Variants in NRROS observed in about 807,000 individuals in gnomAD.
NRROS encodes the protein transforming growth factor beta activator LRRC33.
A neutral mutation model predicts 12.0 loss-of-function variants in NRROS; 6 were observed. The observed-to-expected ratio is 0.50, with a 90% CI of 0.27 to 0.98. The LOEUF is 0.98. Among genes scored for constraint, NRROS ranks in the 50% least tolerant of loss-of-function variants. The pLI is 0.11. For synonymous variants in NRROS, 462 were observed against 410.2 expected (o/e 1.13, Z -1.53); for missense variants, 857 against 888.2 (o/e 0.96, Z 0.45).
Position 196,653,810 on chromosome 3 carries a change from T to A in NRROS, c.-13-717T>A, listed in dbSNP as rs532040843. 2.0e-4 allele frequency among the ~76,000 whole-genome samples: 31 copies of A among 152,308 alleles called. No individual in the cohort carries two copies. The South Asian group carries it at 5.8e-3, about 28-fold the overall frequency. On this transcript the variant is annotated intron_variant, in intron 1 of 2. Coordinates refer to ENST00000328557, the MANE Select transcript of NRROS (RefSeq NM_198565.3). ...TTAGTTCTGAATCTCTGCTGGTGCG[T>A]GTATACCTTCAAGCCTTCTCATTAT...
At chr3:196,655,467 G>A (rs1737517787) in intron 2 of NRROS, among the ~76,000 whole-genome samples, 1 of 151,462 alleles carries the variant, frequency 6.6e-6, no homozygotes. Flanking sequence ...CCCGGGAGAC[G>A]GAGGTTGCAG....
At chr3:196,649,979 A>G (rs1937643353) in intron 1 of NRROS, among the ~76,000 whole-genome samples, 1 of 151,982 alleles carries the variant, frequency 6.6e-6, no homozygotes, top group Non-Finnish European at 1.5e-5. Flanking sequence ...AGTAGCAGTC[A>G]GGGGAGGTGG....
At chr3:196,653,859 G>C (rs1037690552) in intron 1 of NRROS, among the ~76,000 whole-genome samples, 20 of 152,198 alleles carry the variant, frequency 1.3e-4, no homozygotes, top group African/African-American at 4.8e-4. Context: ...GCACTGGCCA[G>C]GCAAGCGGGC....
rs1385417529 is a variant in NRROS, at chr3:196,660,165, C to G, written c.522C>G (p.Asp174Glu). 6.2e-7 allele frequency: 1 copy of G among 1,613,092 alleles called. No homozygotes were observed. Among genetic ancestry groups the G allele is most frequent in the South Asian group, 1.1e-5 (1 of 91,078 alleles). ...GGAACACCATCATGCGGCTGGACGA[C>G]TCCGTCTTCGAGGGCCTGGAGCGTC... ...LAGNTIMRLD[D>E]SVFEGLERLR... The change falls in exon 3 of 3, where the codon GAC (aspartate) becomes GAG (glutamate). Residue 174 changes from aspartate to glutamate, a missense_variant. Transcript: ENST00000328557. This position sits in a 1 kb window ranked among gnomAD's most constrained non-coding sequence, Gnocchi z 7.7.
In NRROS at chr3:196,643,207, G is replaced by A. The variant is rs143389998; in HGVS notation, c.-14+3332G>A. 4.9e-3 allele frequency among the ~76,000 whole-genome samples: 740 copies of A among 152,328 alleles called. 5 individuals carry two copies. Among genetic ancestry groups the A allele is most frequent in the African/African-American group, 0.017 (717 of 41,568 alleles). On this transcript the variant is annotated intron_variant, in intron 1 of 2. Transcript: ENST00000328557. ...AATTGAGGGGTTGTTACCAGAAGGAGAAACGAATGTGAGTGAGTAGGCGAA... is the reference window on the plus strand; with the variant it reads ...AATTGAGGGGTTGTTACCAGAAGGAAAAACGAATGTGAGTGAGTAGGCGAA...
At chr3:196,645,357 G>A (rs1438677079) in intron 1 of NRROS, among the ~76,000 whole-genome samples, 1 of 152,166 alleles carries the variant, frequency 6.6e-6, no homozygotes, top group Non-Finnish European at 1.5e-5. Context: ...TATTGAGGTT[G>A]AGCTGATGCA....
At chr3:196,649,918 C>T (rs1233421097) in intron 1 of NRROS, among the ~76,000 whole-genome samples, 1 of 152,118 alleles carries the variant, frequency 6.6e-6, no homozygotes, top group Non-Finnish European at 1.5e-5. Flanking sequence ...TTGCTCAGAG[C>T]CCCTTTAGCG....
In NRROS at chr3:196,660,724, C is replaced by A. The variant is rs779805511; in HGVS notation, c.1081C>A (p.Gln361Lys). ...MPSLSHLNLH[Q>K]NCLMTLHIRE... ...TTCCCTCTCCCACCTGAACCTCCACCAGAATTGCCTGATGACGCTTCACAT... is the reference window on the plus strand; with the variant it reads ...TTCCCTCTCCCACCTGAACCTCCACAAGAATTGCCTGATGACGCTTCACAT... The change falls in exon 3 of 3, where the codon CAG becomes AAG. Residue 361 changes from glutamine (Q) to lysine (K), a missense_variant. Coordinates refer to ENST00000328557, the MANE Select transcript of NRROS (RefSeq NM_198565.3). The surrounding 1 kb of genome is among the most constrained non-coding windows in gnomAD (Gnocchi z 7.7). The A allele has an allele frequency of 6.2e-7, 1 of 1,614,170 alleles. No homozygotes were observed.
chr3:196,651,766 C>T (rs843516), intron 1 of NRROS, among the ~76,000 whole-genome samples: 114,428 of 152,026 alleles, frequency 0.75, 43,225 homozygotes, highest in South Asian at 0.8. Context: ...AACTCCGTCT[C>T]AAAAAACAAA....
intron 1 of NRROS, among the ~76,000 whole-genome samples, chr3:196,648,965 G>A (rs1299773206): frequency 6.6e-6 from 1 of 152,130 alleles, no homozygotes; most frequent in African/African-American, 2.4e-5. Flanking sequence ...AGATCTGTCA[G>A]AGGCTTTCCT....
intron 2 of NRROS, among the ~76,000 whole-genome samples, chr3:196,655,992 A>G (rs1737531314): frequency 6.6e-6 from 1 of 152,132 alleles, no homozygotes; most frequent in African/African-American, 2.4e-5. Context: ...CCAACATAGT[A>G]AAAACCCGTC....
chr3:196,653,653 G>A (rs138069084), intron 1 of NRROS, among the ~76,000 whole-genome samples: 114 of 152,330 alleles, frequency 7.5e-4, no homozygotes, highest in African/African-American at 2.4e-3. Flanking sequence ...CTCACTCATC[G>A]GAGCTCGGGG....
intron 2 of NRROS, among the ~76,000 whole-genome samples, chr3:196,656,969 C>T (rs750871052): frequency 2.8e-4 from 43 of 152,044 alleles, no homozygotes; most frequent in Admixed American, 5.2e-4. Context: ...TTTGGGAGGC[C>T]GAAGCAGGCA....
In NRROS at chr3:196,660,507, G is replaced by A. The variant is rs1737646186; in HGVS notation, c.864G>A (p.Arg288=). 2.5e-6 allele frequency: 4 copies of A among 1,614,094 alleles called. No individual in the cohort carries two copies. The East Asian group carries it at 8.9e-5, about 36-fold the overall frequency. ...LLRDNNMGFY[R]DLYNTSSPRE... is the part of the protein sequence containing the mutation. ...GCGACAACAACATGGGCTTCTACCG[G>A]GACCTGTACAACACCTCGTCGCCGA... Residue 288 remains arginine, a synonymous_variant, in exon 3 of 3, where the codon CGG becomes CGA. Transcript: ENST00000328557. This position sits in a 1 kb window ranked among gnomAD's most constrained non-coding sequence, Gnocchi z 7.7.
At chr3:196,650,816 C>T (rs1354944234) in intron 1 of NRROS, among the ~76,000 whole-genome samples, 2 of 152,220 alleles carry the variant, frequency 1.3e-5, no homozygotes, top group African/African-American at 4.8e-5. Flanking sequence ...ATGGAGTAGA[C>T]TCACAGCATT....
At chr3:196,657,525 T>C (rs1737564677) in intron 2 of NRROS, among the ~76,000 whole-genome samples, 1 of 152,028 alleles carries the variant, frequency 6.6e-6, no homozygotes, top group South Asian at 2.1e-4. Flanking sequence ...GTGGCCAACA[T>C]GGCAAAACTC....
At chr3:196,658,927 A>G (rs754772507) in intron 2 of NRROS, among the ~76,000 whole-genome samples, 6 of 152,172 alleles carry the variant, frequency 3.9e-5, no homozygotes, top group Non-Finnish European at 8.8e-5. Context: ...CTGAGATCAC[A>G]CCATTGCACT....
chr3:196,643,087 AAAAG>A (rs1263663460), intron 1 of NRROS, among the ~76,000 whole-genome samples: 1 of 152,048 alleles, frequency 6.6e-6, no homozygotes, highest in Non-Finnish European at 1.5e-5. Flanking sequence ...AAAAAAAAAA[AAAAG>A]ATAATCGCTT....
At position 196,658,889 on chromosome 3, in the gene NRROS, G is replaced by A. The variant is rs375346795; in HGVS notation, c.109-863G>A. Among the ~76,000 whole-genome samples, 9 of 152,242 alleles carry A rather than the reference G, an allele frequency of 5.9e-5. No individual in the cohort carries two copies. In the South Asian group the frequency reaches 1.0e-3, roughly 18 times the overall value. Reference sequence around the variant, plus strand: ...GGAGGCTGAAACAGGAGAATTGCTCGAACCCAGGAGGCAGAGATTGCAGTG... The same window carrying A: ...GGAGGCTGAAACAGGAGAATTGCTCAAACCCAGGAGGCAGAGATTGCAGTG... On this transcript the variant is annotated intron_variant, in intron 2 of 2. Transcript: ENST00000328557.
Sources: gnomAD v4.1 joint callset for allele counts (sites outside exome capture counted in the v4.1 genomes callset) on GRCh38, gnomAD v4.1.1 for gene constraint, Gnocchi (gnomAD v3.1) non-coding constraint, MANE v1.5 for transcripts, NCBI Gene and HGNC (gene_info 2026-07-23, HGNC 2026-07-21) for gene names.